The following RAB27B variants were observed in gnomAD, a reference collection of about 807,000 sequenced individuals.
RAB27B encodes the protein ras-related protein Rab-27B.
Under a neutral mutation model 24.6 loss-of-function variants are expected in RAB27B, and 15 were observed. That is an observed-to-expected ratio of 0.61 (90% CI 0.41 to 0.94). RAB27B has a LOEUF of 0.94. Among genes scored for constraint, RAB27B ranks in the 40% least tolerant of loss-of-function variants. The probability of loss-of-function intolerance (pLI) is 0.00; values close to 1 mark genes in which losing one functional copy is unlikely to be tolerated. For synonymous variants in RAB27B, 105 were observed against 92.5 expected, an observed-to-expected ratio of 1.14 and a Z score of -0.78; for missense variants, 261 against 266.8, an observed-to-expected ratio of 0.98 and a Z score of 0.15.
At chr18:54,749,539 A>C (rs1456192709) in intron 2 of RAB27B, among the ~76,000 whole-genome samples, 1 of 152,122 alleles carries the variant, frequency 6.6e-6, no homozygotes, top group Non-Finnish European at 1.5e-5. Context: ...GGTAATTCCT[A>C]ATGAGTTACC....
chr18:54,865,750 C>G (rs1466819203), intron 1 of RAB27B, among the ~76,000 whole-genome samples: 1 of 152,286 alleles, frequency 6.6e-6, no homozygotes, highest in Non-Finnish European at 1.5e-5. Context: ...GTTAAATGTT[C>G]ATAACTTTGT....
intron 2 of RAB27B, among the ~76,000 whole-genome samples, chr18:54,815,169 T>A (rs1910083629): frequency 6.6e-6 from 1 of 152,210 alleles, no homozygotes. Flanking sequence ...TGGGGCAATA[T>A]TTTTCTCATT....
Position 54,889,394 on chromosome 18 carries a change from A to G in RAB27B, c.638A>G (p.Glu213Gly), listed in dbSNP as rs759459653. The change falls in exon 6 of 6, where the codon GAG becomes GGG. Residue 213 changes from glutamate to glycine, a missense_variant. Transcript: ENST00000262094. ...AACTTGGATGGGGAAAAGCCACCAGAGAAGAAATGTATCTGCTAGACTCTA... is the reference window on the plus strand; with the variant it reads ...AACTTGGATGGGGAAAAGCCACCAGGGAAGAAATGTATCTGCTAGACTCTA... ...SGNLDGEKPP[E>G]KKCIC 1 of 1,612,650 alleles carries G rather than the reference A, an allele frequency of 6.2e-7. No individual in the cohort carries two copies. Among genetic ancestry groups the G allele is most frequent in the African/African-American group, 1.3e-5 (1 of 74,846 alleles).
chr18:54,774,891 T>C (rs1424963876), intron 2 of RAB27B, among the ~76,000 whole-genome samples: 1 of 152,250 alleles, frequency 6.6e-6, no homozygotes, highest in African/African-American at 2.4e-5. Context: ...CAGAGGCTGC[T>C]TGTGTTTTGT....
Position 54,848,104 on chromosome 18 carries a change from T to C in RAB27B, c.-20+19404T>C, listed in dbSNP as rs529242883. Among the ~76,000 whole-genome samples the C allele has an allele frequency of 2.0e-5, 3 of 152,338 alleles. No homozygotes were observed. The South Asian group carries it at 6.2e-4, about 32-fold the overall frequency. On this transcript the variant is annotated intron_variant, in intron 1 of 5. Coordinates refer to ENST00000262094, the MANE Select transcript of RAB27B (RefSeq NM_004163.4). ...AACGATTTGAACAGTTGGCTACATTTGATTGGCCAAACTCAGTGACTGGCA... is the reference window on the plus strand; with the variant it reads ...AACGATTTGAACAGTTGGCTACATTCGATTGGCCAAACTCAGTGACTGGCA...
chr18:54,784,963 C>G (rs1387375756), intron 2 of RAB27B, among the ~76,000 whole-genome samples: 3 of 152,236 alleles, frequency 2.0e-5, no homozygotes, highest in Non-Finnish European at 2.9e-5. Context: ...CCTACCATTA[C>G]TTTGCCTACC....
At chr18:54,819,112 T>G (rs538933266) in intron 2 of RAB27B, among the ~76,000 whole-genome samples, 22 of 149,402 alleles carry the variant, frequency 1.5e-4, no homozygotes, top group African/African-American at 5.1e-4. Flanking sequence ...ATTTAGAATT[T>G]TCACATTACT....
chr18:54,736,444 A>G (rs1430379116), intron 2 of RAB27B, among the ~76,000 whole-genome samples: 1 of 151,830 alleles, frequency 6.6e-6, no homozygotes. Flanking sequence ...CTTGAATTTC[A>G]TTATTGTTGT....
chr18:54,770,138 C>T (rs950000327), intron 2 of RAB27B, among the ~76,000 whole-genome samples: 1 of 152,168 alleles, frequency 6.6e-6, no homozygotes, highest in Non-Finnish European at 1.5e-5. Flanking sequence ...AGCCACCACA[C>T]CCAGCCATCA....
At chr18:54,848,158 T>C (rs1364870569) in intron 1 of RAB27B, among the ~76,000 whole-genome samples, 1 of 152,248 alleles carries the variant, frequency 6.6e-6, no homozygotes, top group East Asian at 1.9e-4. Context: ...GGTTTACACC[T>C]CCACTTGTAT....
chr18:54,850,435 A>G (rs56801346), intron 1 of RAB27B, among the ~76,000 whole-genome samples: 4,031 of 148,964 alleles, frequency 0.027, 200 homozygotes, highest in African/African-American at 0.094. Flanking sequence ...GCAATGGTGC[A>G]ATCTCGGCTC....
At chr18:54,743,174 T>G (rs1454964275) in intron 2 of RAB27B, among the ~76,000 whole-genome samples, 4 of 152,242 alleles carry the variant, frequency 2.6e-5, no homozygotes, top group Admixed American at 1.3e-4. Flanking sequence ...TCAGCTATTG[T>G]GCTATTTAGC....
At chr18:54,791,551 C>T (rs967391295) in intron 2 of RAB27B, among the ~76,000 whole-genome samples, 2 of 152,036 alleles carry the variant, frequency 1.3e-5, no homozygotes, top group African/African-American at 4.8e-5. Flanking sequence ...TTAAATGATA[C>T]GGAAGAGGGG....
chr18:54,814,215 G>C (rs962024625), intron 2 of RAB27B, among the ~76,000 whole-genome samples: 33 of 152,168 alleles, frequency 2.2e-4, no homozygotes, highest in African/African-American at 7.7e-4. Flanking sequence ...TTTCAGACTT[G>C]TAGGCTATGA....
chr18:54,767,772 A>C (rs1908411065), intron 2 of RAB27B, among the ~76,000 whole-genome samples: 1 of 152,186 alleles, frequency 6.6e-6, no homozygotes, highest in Non-Finnish European at 1.5e-5. Flanking sequence ...CACCCTTGGC[A>C]CATGGAATGC....
intron 2 of RAB27B, among the ~76,000 whole-genome samples, chr18:54,770,528 G>A (rs368018417): frequency 2.6e-5 from 4 of 152,074 alleles, no homozygotes. Flanking sequence ...ATTATGGTGA[G>A]TTGTATAATT....
intron 2 of RAB27B, among the ~76,000 whole-genome samples, chr18:54,820,934 C>T (rs548442842): frequency 5.9e-5 from 9 of 152,108 alleles, no homozygotes; most frequent in South Asian, 2.1e-4. Flanking sequence ...TGTAGATATG[C>T]GGCATTATTT....
intron 1 of RAB27B, among the ~76,000 whole-genome samples, chr18:54,850,038 AT>A (rs1911497132): frequency 6.6e-6 from 1 of 151,842 alleles, no homozygotes; most frequent in Non-Finnish European, 1.5e-5. Context: ...AAACCACTTA[AT>A]ACAAAACCAT....
At chr18:54,766,349 C>T (rs1243454161) in intron 2 of RAB27B, among the ~76,000 whole-genome samples, 1 of 152,162 alleles carries the variant, frequency 6.6e-6, no homozygotes, top group Admixed American at 6.6e-5. Flanking sequence ...TGAGTAGAAG[C>T]AGGCAGGCAT....
Sources: gnomAD v4.1 joint callset for allele counts (sites outside exome capture counted in the v4.1 genomes callset) on GRCh38, gnomAD v4.1.1 for gene constraint, MANE v1.5 for transcripts, NCBI Gene and HGNC (gene_info 2026-07-23, HGNC 2026-07-21) for gene names.